The following COL22A1 variants were observed in gnomAD, a reference collection of about 807,000 sequenced individuals.
The protein encoded by COL22A1 is collagen type XXII alpha 1 chain.
Under a neutral mutation model 248.9 loss-of-function variants are expected in COL22A1, and 221 were observed. That is an observed-to-expected ratio of 0.89 (90% CI 0.80 to 0.99). The LOEUF (loss-of-function observed/expected upper bound fraction) is 0.99, where lower values mean the gene tolerates loss of function less well. Ranked by LOEUF, COL22A1 falls within the 50% of genes least tolerant of loss-of-function variation. COL22A1 has a pLI of 0.00. For synonymous variants in COL22A1, 891 were observed against 793.4 expected, an observed-to-expected ratio of 1.12 and a Z score of -2.07; for missense variants, 2,240 against 2,179.0, an observed-to-expected ratio of 1.03 and a Z score of -0.56.
At chr8:138,638,823 T>A (rs1821420025) in intron 47 of COL22A1, among the ~76,000 whole-genome samples, 2 of 152,214 alleles carry the variant, frequency 1.3e-5, no homozygotes, top group South Asian at 4.1e-4. Context: ...AGTAAATGGC[T>A]TCCTTTCAAA....
intron 30 of COL22A1, among the ~76,000 whole-genome samples, chr8:138,706,713 T>C (rs1386147286): frequency 6.6e-6 from 1 of 151,888 alleles, no homozygotes; most frequent in Non-Finnish European, 1.5e-5. Flanking sequence ...CACCCTAACA[T>C]CACAATTAAA....
intron 4 of COL22A1, among the ~76,000 whole-genome samples, chr8:138,841,321 A>G (rs138332815): frequency 1.3e-5 from 2 of 152,208 alleles, no homozygotes; most frequent in Admixed American, 6.5e-5. Context: ...CTTGCTGGGG[A>G]GGTAGACAGG....
At chr8:138,844,809 G>T (rs1821119758) in intron 3 of COL22A1, among the ~76,000 whole-genome samples, 1 of 152,074 alleles carries the variant, frequency 6.6e-6, no homozygotes, top group African/African-American at 2.4e-5. Flanking sequence ...AATTAGCCGG[G>T]CGTGGTGGCA....
intron 57 of COL22A1, 149 bp downstream of exon 57, chr8:138,607,787 C>T (rs959963670): frequency 1.6e-6 from 1 of 635,640 alleles, no homozygotes; most frequent in African/African-American, 1.9e-5. Flanking sequence ...CCCTATGGAG[C>T]CTCTTACCTC....
At chr8:138,859,817 G>A (rs953844689) in intron 3 of COL22A1, among the ~76,000 whole-genome samples, 1 of 152,196 alleles carries the variant, frequency 6.6e-6, no homozygotes, top group Non-Finnish European at 1.5e-5. Flanking sequence ...CTGCATGGCT[G>A]TGAGCCGCCG....
At chr8:138,843,604 A>G (rs1016203356) in intron 4 of COL22A1, among the ~76,000 whole-genome samples, 15 of 152,168 alleles carry the variant, frequency 9.9e-5, no homozygotes, top group Non-Finnish European at 1.6e-4. Flanking sequence ...CTATTCTGTC[A>G]TATGCCTGAC....
intron 23 of COL22A1, among the ~76,000 whole-genome samples, chr8:138,736,153 T>C (rs560950754): frequency 8.6e-5 from 13 of 151,964 alleles, no homozygotes; most frequent in African/African-American, 3.1e-4. Flanking sequence ...AACCTTCAGG[T>C]GTGCCCTCCT....
intron 41 of COL22A1, among the ~76,000 whole-genome samples, chr8:138,669,396 T>C (rs1824814860): frequency 6.6e-6 from 1 of 152,182 alleles, no homozygotes; most frequent in African/African-American, 2.4e-5. Context: ...GCCTTTCCCA[T>C]GTCCGGTACC....
At chr8:138,900,658 G>A (rs184883156) in intron 1 of COL22A1, among the ~76,000 whole-genome samples, 46 of 152,208 alleles carry the variant, frequency 3.0e-4, no homozygotes, top group Non-Finnish European at 5.9e-4. Flanking sequence ...GACTTGAATG[G>A]CCACTTTCAT....
At chr8:138,794,394 A>G (rs1816319548) in intron 12 of COL22A1, among the ~76,000 whole-genome samples, 1 of 152,136 alleles carries the variant, frequency 6.6e-6, no homozygotes, top group Non-Finnish European at 1.5e-5. Context: ...TCCAAAAAAA[A>G]AAAAAAGGAG....
intron 42 of COL22A1, among the ~76,000 whole-genome samples, chr8:138,662,843 T>C (rs1372385614): frequency 1.3e-5 from 2 of 152,140 alleles, no homozygotes; most frequent in Non-Finnish European, 1.5e-5. Flanking sequence ...TCTATAAAAA[T>C]GGGTATAAGG....
chr8:138,616,741 G>A (rs1819353266), intron 54 of COL22A1, among the ~76,000 whole-genome samples, 173 bp downstream of exon 54: 1 of 152,348 alleles, frequency 6.6e-6, no homozygotes, highest in Middle Eastern at 3.4e-3. Flanking sequence ...TAGGCCAAGA[G>A]GTGAGCATGG....
intron 1 of COL22A1, among the ~76,000 whole-genome samples, chr8:138,894,524 G>A (rs1387161409): frequency 6.6e-6 from 1 of 152,150 alleles, no homozygotes; most frequent in Non-Finnish European, 1.5e-5. Context: ...GTGCAGGCTG[G>A]AAATACTGAG....
At chr8:138,897,463 C>T (rs754854574) in intron 1 of COL22A1, among the ~76,000 whole-genome samples, 8 of 152,032 alleles carry the variant, frequency 5.3e-5, no homozygotes, top group Non-Finnish European at 1.0e-4. Context: ...GCAGGAGAAT[C>T]GCTTAAACCC....
At chr8:138,660,557 A>G (rs1823731079) in intron 43 of COL22A1, 77 bp from the exon 44 acceptor site, 1 of 1,271,122 alleles carries the variant, frequency 7.9e-7, no homozygotes, top group Non-Finnish European at 1.1e-6. Flanking sequence ...CCCTCTGCCA[A>G]TCTCTCTATC....
At chr8:138,664,198 C>T (rs539334794) in intron 41 of COL22A1, among the ~76,000 whole-genome samples, 13 of 73,770 alleles carry the variant, frequency 1.8e-4, no homozygotes, top group East Asian at 9.9e-4. Context: ...AAGGGGTGCG[C>T]GCGCGCGCGC....
intron 22 of COL22A1, among the ~76,000 whole-genome samples, chr8:138,741,272 A>G (rs1175199677): frequency 6.6e-6 from 1 of 152,214 alleles, no homozygotes; most frequent in East Asian, 1.9e-4. Flanking sequence ...AGAAATAAAT[A>G]CTTGAGTCAT....
chr8:138,833,806 C>T (rs1820231255), intron 4 of COL22A1, among the ~76,000 whole-genome samples: 1 of 152,004 alleles, frequency 6.6e-6, no homozygotes, highest in Non-Finnish European at 1.5e-5. Context: ...GGGTGAGGGT[C>T]AAGGGTAAGG....
At chr8:138,772,431 C>T (rs1388247830) in intron 16 of COL22A1, among the ~76,000 whole-genome samples, 6 of 152,168 alleles carry the variant, frequency 3.9e-5, no homozygotes, top group African/African-American at 1.4e-4. Context: ...GAAGGAGAGG[C>T]TCTGGGACAG....
Sources: allele counts gnomAD v4.1 joint callset (sites outside exome capture counted in the v4.1 genomes callset), GRCh38; gene constraint gnomAD v4.1.1; transcripts MANE v1.5; gene names NCBI Gene and HGNC (gene_info 2026-07-23, HGNC 2026-07-21).